CORIN: variants seen among roughly 807,000 people sequenced by gnomAD.
CORIN encodes the protein corin, serine peptidase.
Under a neutral mutation model 125.3 loss-of-function variants are expected in CORIN, and 117 were observed. The observed-to-expected ratio is 0.93, with a 90% CI of 0.80 to 1.09. The LOEUF is 1.09. CORIN is among the 50% of genes least tolerant of loss of function. The pLI, the probability that CORIN is intolerant of heterozygous loss-of-function variation, is 0.00. For missense variants in CORIN, 1,253 were observed against 1,306.7 expected (o/e 0.96, Z 0.63); for synonymous variants, 450 against 466.4 (o/e 0.96, Z 0.45).
intron 5 of CORIN, chr4:47,706,402 T>C (rs1489794736): frequency 2.5e-6 from 4 of 1,608,838 alleles, no homozygotes; most frequent in Middle Eastern, 1.9e-4. Flanking sequence ...CCAGGAGCTA[T>C]GGAGAAAGAA....
chr4:47,822,151 T>G (rs1001440063), intron 1 of CORIN, among the ~76,000 whole-genome samples: 1 of 152,234 alleles, frequency 6.6e-6, no homozygotes, highest in Non-Finnish European at 1.5e-5. Context: ...CCTGAAATTA[T>G]TAAACAAAAT....
rs189140366 is a variant in CORIN at position 47,626,661 on chromosome 4, C to T, written c.2199-140G>A. On this transcript the variant is annotated intron_variant, in intron 16 of 21. Coordinates refer to ENST00000273857, the MANE Select transcript of CORIN (RefSeq NM_006587.4). ...TTCAAGAGGAGAATTTGGACTGTTA[C>T]AAATTGTTAGAGCTGTTTTAGTCAT... is the stretch of plus-strand genomic sequence containing the variant. 239 of 689,196 alleles carry T rather than the reference C, an allele frequency of 3.5e-4. 1 individual carries two copies. The highest frequency in any genetic ancestry group is 1.3e-3 in the South Asian group (77 of 60,744). 42.7% of individuals were successfully genotyped at this position (689,196 alleles called of 1,614,324 possible).
chr4:47,651,603 T>A (rs753413365), intron 13 of CORIN, among the ~76,000 whole-genome samples: 1 of 152,250 alleles, frequency 6.6e-6, no homozygotes, highest in African/African-American at 2.4e-5. Flanking sequence ...AAATTAGTAC[T>A]GCTGGAGCAA....
intron 2 of CORIN, among the ~76,000 whole-genome samples, chr4:47,799,723 A>T (rs187965023): frequency 3.9e-5 from 6 of 152,348 alleles, no homozygotes; most frequent in Admixed American, 6.5e-5. Context: ...GAGCAGTTAC[A>T]TAAGTGACAC....
chr4:47,692,235 A>AGAAGT (rs1170995113), intron 6 of CORIN, among the ~76,000 whole-genome samples: 1 of 152,232 alleles, frequency 6.6e-6, no homozygotes, highest in East Asian at 1.9e-4. Context: ...GTAGTGTTCT[A>AGAAGT]ATTGGAGATA....
intron 5 of CORIN, among the ~76,000 whole-genome samples, chr4:47,695,225 T>G (rs1725936022): frequency 6.6e-6 from 1 of 152,206 alleles, no homozygotes; most frequent in African/African-American, 2.4e-5. Flanking sequence ...CAATATCCTC[T>G]CTCTGGGTTT....
At chr4:47,714,394 T>A (rs1435026384) in intron 5 of CORIN, among the ~76,000 whole-genome samples, 2 of 152,232 alleles carry the variant, frequency 1.3e-5, no homozygotes, top group African/African-American at 4.8e-5. Flanking sequence ...ATTTTACAGC[T>A]AGAAGAGACT....
intron 2 of CORIN, among the ~76,000 whole-genome samples, chr4:47,806,679 T>G (rs1353200721): frequency 6.6e-6 from 1 of 152,184 alleles, no homozygotes; most frequent in African/African-American, 2.4e-5. Flanking sequence ...TAGTAATCAT[T>G]CCTTAAATGT....
At chr4:47,684,897 G>T (rs1725443312) in intron 6 of CORIN, among the ~76,000 whole-genome samples, 1 of 151,146 alleles carries the variant, frequency 6.6e-6, no homozygotes, top group Non-Finnish European at 1.5e-5. Context: ...TTAAGCAAAG[G>T]CAGCGGGAGG....
chr4:47,648,399 C>A (rs1027806283), intron 13 of CORIN, among the ~76,000 whole-genome samples: 1 of 152,108 alleles, frequency 6.6e-6, no homozygotes, highest in Non-Finnish European at 1.5e-5. Flanking sequence ...ACAAAGTGTC[C>A]CTTGTTCCAA....
chr4:47,759,749 T>C (rs1047693322), intron 4 of CORIN, among the ~76,000 whole-genome samples: 2 of 152,238 alleles, frequency 1.3e-5, no homozygotes, highest in African/African-American at 4.8e-5. Flanking sequence ...TCACCAGGAA[T>C]AGACTTCATC....
intron 6 of CORIN, among the ~76,000 whole-genome samples, chr4:47,684,827 A>T (rs1268761959): frequency 6.6e-6 from 1 of 152,218 alleles, no homozygotes; most frequent in Admixed American, 6.5e-5. Context: ...AAAGACTTGA[A>T]TAGAAAGTCT....
chr4:47,741,282 A>C (rs1388743209), intron 5 of CORIN, among the ~76,000 whole-genome samples: 2 of 152,060 alleles, frequency 1.3e-5, no homozygotes, highest in African/African-American at 2.4e-5. Flanking sequence ...ATTTGAATAG[A>C]TATTTCTCAA....
chr4:47,821,847 A>G (rs1732529395), intron 1 of CORIN, among the ~76,000 whole-genome samples: 1 of 152,218 alleles, frequency 6.6e-6, no homozygotes, highest in African/African-American at 2.4e-5. Flanking sequence ...ATGAGAACAG[A>G]CTAAACTAAT....
intron 5 of CORIN, among the ~76,000 whole-genome samples, chr4:47,711,078 C>G (rs1020773391): frequency 6.6e-6 from 1 of 152,170 alleles, no homozygotes; most frequent in Non-Finnish European, 1.5e-5. Flanking sequence ...GGGATGAAAG[C>G]TTGAGAGAAG....
chr4:47,684,692 T>C (rs1725433298), intron 6 of CORIN, among the ~76,000 whole-genome samples: 1 of 152,160 alleles, frequency 6.6e-6, no homozygotes, highest in Non-Finnish European at 1.5e-5. Flanking sequence ...ACAAACGGTA[T>C]TGGGACAATA....
At chr4:47,774,660 T>C (rs1358459685) in intron 3 of CORIN, among the ~76,000 whole-genome samples, 1 of 152,186 alleles carries the variant, frequency 6.6e-6, no homozygotes, top group Non-Finnish European at 1.5e-5. Context: ...GCAAGTAGAC[T>C]CTTCCTGACC....
At chr4:47,718,612 A>G (rs1475392097) in intron 5 of CORIN, among the ~76,000 whole-genome samples, 4 of 152,316 alleles carry the variant, frequency 2.6e-5, no homozygotes, top group East Asian at 1.9e-4. Flanking sequence ...TAGAAAATTT[A>G]ATTTTTAGAC....
At chr4:47,668,087 G>A (rs2109680527) in intron 10 of CORIN, among the ~76,000 whole-genome samples, 1 of 152,330 alleles carries the variant, frequency 6.6e-6, no homozygotes, top group Non-Finnish European at 1.5e-5. Context: ...ACCAGAACCT[G>A]ACCATGATGG....
Sources: allele counts gnomAD v4.1 joint callset (sites outside exome capture counted in the v4.1 genomes callset), GRCh38; gene constraint gnomAD v4.1.1; transcripts MANE v1.5; gene names NCBI Gene and HGNC (gene_info 2026-07-23, HGNC 2026-07-21).